FREM1: variants seen among roughly 807,000 people sequenced by gnomAD.
The protein encoded by FREM1 is FRAS1-related extracellular matrix protein 1.
In FREM1, 220 loss-of-function variants were observed where a neutral mutation model predicts 210.1. That is an observed-to-expected ratio of 1.05 (90% CI 0.94 to 1.17). The LOEUF is 1.17. Ranked by LOEUF, FREM1 falls within the 50% of genes most tolerant of loss-of-function variation. FREM1 has a pLI of 0.00. For missense variants in FREM1, 3,454 were observed against 2,675.5 expected (o/e 1.29, Z -6.42); for synonymous variants, 1,189 against 980.2 (o/e 1.21, Z -3.98).
At position 14,866,028 on chromosome 9, in the gene FREM1, A is replaced by G. The variant is rs199956820; in HGVS notation, c.235-2125T>C. ...AAATCCCATACCGACTTTAGAGGCT[A>G]TAAATCCATTTGAGATGTCATATTT... On this transcript the variant is annotated intron_variant, in intron 2 of 36. Transcript: ENST00000380880. Among the ~76,000 whole-genome samples, 10 of 152,354 alleles carry G rather than the reference A, an allele frequency of 6.6e-5. No homozygotes were observed. The East Asian group carries it at 1.9e-3, about 29-fold the overall frequency.
In FREM1 at chr9:14,740,189, C is replaced by T. The variant is rs779451194; in HGVS notation, c.6300G>A (p.Arg2100=). The T allele has an allele frequency of 5.6e-6, 9 of 1,613,190 alleles. No individual in the cohort carries two copies. The South Asian group carries it at 7.7e-5, about 14-fold the overall frequency. Residue 2100 remains arginine, a synonymous_variant, in exon 36 of 37, where the codon CGG becomes CGA. Transcript: ENST00000380880. ...LVTVFSRQHM[R]WLWDIGGRKS... The stretch of plus-strand genomic sequence containing the variant: ...TTCTCCCACCAATGTCCCAGAGCCA[C>T]CGCATGTGCTGCCTGGAGAATACAG...
intron 1 of FREM1, among the ~76,000 whole-genome samples, chr9:14,873,676 G>C (rs567218790): frequency 1.3e-5 from 2 of 152,130 alleles, no homozygotes; most frequent in African/African-American, 4.8e-5. Context: ...CTTCAGTTCT[G>C]CTCTGATTTT....
chr9:14,891,602 T>C (rs17222108), intron 1 of FREM1, among the ~76,000 whole-genome samples: 22,746 of 152,088 alleles, frequency 0.15, 2,233 homozygotes, highest in Admixed American at 0.25. Context: ...AGTGCAGTAA[T>C]GGTGAGATAT....
chr9:14,823,323 G>A lies in FREM1; in HGVS notation c.2174C>T (p.Ala725Val), dbSNP rs1821725273. 6.2e-7 allele frequency: 1 copy of A among 1,612,710 alleles called. No homozygotes were observed. ...ALELRSFTQH[A>V]VNYMKVAYMP... ...GTAGGCCACTTTCATATAGTTCACA[G>A]CATGCTGCAAAGTAAGTTGAGATGG... Residue 725 changes from alanine to valine, a missense_variant, in exon 13 of 37, where the codon GCT becomes GTT. Ala to Val is a moderately conservative substitution (Grantham distance 64, BLOSUM62 0). Coordinates refer to ENST00000380880, the MANE Select transcript of FREM1 (RefSeq NM_001379081.2).
At chr9:14,789,172 G>A (rs369839824) in intron 22 of FREM1, 58 bp from the exon 23 acceptor site, 32 of 1,146,932 alleles carry the variant, frequency 2.8e-5, no homozygotes, top group South Asian at 1.2e-4. Flanking sequence ...CCCAACGTAC[G>A]TTAGTGGACA....
intron 27 of FREM1, among the ~76,000 whole-genome samples, chr9:14,764,947 A>G (rs529779382): frequency 6.6e-6 from 1 of 152,292 alleles, no homozygotes; most frequent in African/African-American, 2.4e-5. Flanking sequence ...CTTTCTTCCT[A>G]TAATAATGTC....
At position 14,748,527 on chromosome 9, in the gene FREM1, A is replaced by T; in HGVS notation, c.5670T>A (p.Phe1890Leu). Residue 1890 changes from phenylalanine (F) to leucine (L), a missense_variant, in exon 31 of 37, where the codon TTT becomes TTA. Coordinates refer to ENST00000380880, the MANE Select transcript of FREM1 (RefSeq NM_001379081.2). ...ATGGAAGAGGTCTTCTTTCCAGATG[A>T]AAGGAACCAGAAGTGGTGGATGAGG... Reference protein sequence around the residue: ...GSSSSTTSGSFHLERRPLPSS... With the variant: ...GSSSSTTSGSLHLERRPLPSS... 1.2e-6 allele frequency: 2 copies of T among 1,613,852 alleles called. No homozygotes were observed. Among genetic ancestry groups the T allele is most frequent in the Non-Finnish European group, 1.7e-6 (2 of 1,179,796 alleles).
chr9:14,877,201 T>C (rs28535768), intron 1 of FREM1, among the ~76,000 whole-genome samples: 28,162 of 151,550 alleles, frequency 0.19, 2,756 homozygotes, highest in Middle Eastern at 0.25. Context: ...TATGTGCTAA[T>C]GGACCTCAAA....
At chr9:14,856,448 T>C (rs923300281) in intron 5 of FREM1, among the ~76,000 whole-genome samples, 1 of 152,232 alleles carries the variant, frequency 6.6e-6, no homozygotes, top group Non-Finnish European at 1.5e-5. Flanking sequence ...GTCATATCAA[T>C]TCCTTGGGGT....
intron 14 of FREM1, among the ~76,000 whole-genome samples, chr9:14,817,247 CTG>C (rs1262223038): frequency 2.6e-5 from 4 of 152,202 alleles, no homozygotes; most frequent in Admixed American, 2.0e-4. Context: ...AAGTGGGACA[CTG>C]TGGATTTGAT....
chr9:14,809,432 GC>G (rs1438991665), intron 16 of FREM1, among the ~76,000 whole-genome samples: 2 of 152,144 alleles, frequency 1.3e-5, no homozygotes, highest in East Asian at 3.9e-4. Context: ...GGTCAAATCT[GC>G]AGAGCTCTGT....
At chr9:14,821,452 T>C (rs909115253) in intron 13 of FREM1, among the ~76,000 whole-genome samples, 2 of 152,252 alleles carry the variant, frequency 1.3e-5, no homozygotes, top group Non-Finnish European at 2.9e-5. Context: ...TTCTCCATGA[T>C]TGTTTTAGAG....
At position 14,836,363 on chromosome 9, in the gene FREM1, C is replaced by T. The variant is rs1398180055; in HGVS notation, c.1881+5084G>A. ...ACAAAAAGAAAGCGTAAAAGTTTTACTATCACTAAGTCTGCTAGGATTTTT... is the reference window on the plus strand; with the variant it reads ...ACAAAAAGAAAGCGTAAAAGTTTTATTATCACTAAGTCTGCTAGGATTTTT... On this transcript the variant is annotated intron_variant, in intron 10 of 36. Coordinates refer to ENST00000380880, the MANE Select transcript of FREM1 (RefSeq NM_001379081.2). This position sits in a 1 kb window ranked among gnomAD's most constrained non-coding sequence, Gnocchi z 4.9. Among the ~76,000 whole-genome samples, 2 of 152,186 alleles carry T rather than the reference C, an allele frequency of 1.3e-5. No homozygotes were observed. Among genetic ancestry groups the T allele is most frequent in the African/African-American group, 4.8e-5 (2 of 41,446 alleles).
chr9:14,861,021 A>T (rs923458800), intron 3 of FREM1, among the ~76,000 whole-genome samples: 1 of 76,090 alleles, frequency 1.3e-5, no homozygotes, highest in East Asian at 1.3e-3. Flanking sequence ...ACATATATAC[A>T]CATATATACA....
chr9:14,842,684 G>A, intron 8 of FREM1, 24 bp from the exon 9 acceptor site: 2 of 1,559,534 alleles, frequency 1.3e-6, no homozygotes, highest in South Asian at 2.3e-5. Context: ...CAGAGATGGA[G>A]CAGATTGAGC....
At chr9:14,870,225 C>T (rs1189858657) in intron 1 of FREM1, among the ~76,000 whole-genome samples, 1 of 152,210 alleles carries the variant, frequency 6.6e-6, no homozygotes, top group East Asian at 1.9e-4. Context: ...GAACAAATGC[C>T]TCCATTATCC....
chr9:14,898,473 G>A (rs1416395051), intron 1 of FREM1, among the ~76,000 whole-genome samples: 1 of 152,200 alleles, frequency 6.6e-6, no homozygotes, highest in East Asian at 1.9e-4. Flanking sequence ...CGGGTGTGGT[G>A]GCTCACACAT....
Position 14,845,946 on chromosome 9 carries a change from GTTGGATCA to G in FREM1, c.1393+6_1393+13del, listed in dbSNP as rs1227406206. 2 of 1,612,878 alleles carry G rather than the reference GTTGGATCA, an allele frequency of 1.2e-6. No individual in the cohort carries two copies. The highest frequency in any genetic ancestry group is 1.7e-6 in the Non-Finnish European group (2 of 1,179,298). On this transcript the variant is annotated splice_donor_region_variant and intron_variant, in intron 8 of 36. Coordinates refer to ENST00000380880, the MANE Select transcript of FREM1 (RefSeq NM_001379081.2). ...TTTGGATTCTTTGCTAGGTTACCAAGTTGGATCATTCACCTCTTAAAGTCAGCCATCCA... is the reference window on the plus strand; with the variant it reads ...TTTGGATTCTTTGCTAGGTTACCAAGTTCACCTCTTAAAGTCAGCCATCCA...
chr9:14,835,330 T>C (rs967065997), intron 10 of FREM1, among the ~76,000 whole-genome samples: 1 of 152,206 alleles, frequency 6.6e-6, no homozygotes, highest in African/African-American at 2.4e-5. Context: ...TTGGAGACTA[T>C]CTGTAAGTAC....
Sources: allele counts gnomAD v4.1 joint callset (sites outside exome capture counted in the v4.1 genomes callset), GRCh38; gene constraint gnomAD v4.1.1; non-coding constraint Gnocchi (gnomAD v3.1); transcripts MANE v1.5; gene names NCBI Gene and HGNC (gene_info 2026-07-23, HGNC 2026-07-21).